The following FHOD3 variants were observed in gnomAD, a reference collection of about 807,000 sequenced individuals.
FHOD3 encodes the protein formin homology 2 domain containing 3.
A neutral mutation model predicts 173.0 loss-of-function variants in FHOD3; 90 were observed. The observed-to-expected ratio is 0.52, with a 90% CI of 0.44 to 0.62. FHOD3 has a LOEUF of 0.62. Among genes scored for constraint, FHOD3 ranks in the 20% least tolerant of loss-of-function variants. FHOD3 has a pLI of 0.00. For missense variants in FHOD3, 1,945 were observed against 2,034.7 expected, an observed-to-expected ratio of 0.96 and a Z score of 0.85; for synonymous variants, 828 against 823.0, an observed-to-expected ratio of 1.01 and a Z score of -0.10.
chr18:36,356,224 TATC>T (rs1420195124), intron 2 of FHOD3, among the ~76,000 whole-genome samples: 1 of 152,272 alleles, frequency 6.6e-6, no homozygotes, highest in Admixed American at 6.5e-5. Context: ...TTTTATACGG[TATC>T]ATCTTTTAAA....
intron 5 of FHOD3, among the ~76,000 whole-genome samples, chr18:36,536,723 T>C (rs939899272): frequency 1.2e-4 from 19 of 152,062 alleles, no homozygotes; most frequent in Non-Finnish European, 2.4e-4. Flanking sequence ...CACACTCCTG[T>C]CTGCTTTTTT....
chr18:36,774,105 C>T (rs976206623), intron 28 of FHOD3, among the ~76,000 whole-genome samples: 5 of 152,166 alleles, frequency 3.3e-5, no homozygotes, highest in Admixed American at 6.5e-5. Flanking sequence ...TTTTTCCTTT[C>T]GGGCCAAACT....
intron 10 of FHOD3, among the ~76,000 whole-genome samples, chr18:36,626,121 A>T (rs1015794945): frequency 4.6e-5 from 7 of 152,230 alleles, no homozygotes; most frequent in African/African-American, 1.4e-4. Flanking sequence ...TGGGGTTGGA[A>T]GAGTCTCGCG....
At chr18:36,551,815 G>A (rs892476017) in intron 5 of FHOD3, among the ~76,000 whole-genome samples, 22 of 152,230 alleles carry the variant, frequency 1.4e-4, no homozygotes, top group Middle Eastern at 6.8e-3. Context: ...GTAGATTTGT[G>A]GTATTATTTC....
intron 17 of FHOD3, among the ~76,000 whole-genome samples, chr18:36,698,601 G>A (rs1288974765): frequency 6.6e-6 from 1 of 152,148 alleles, no homozygotes; most frequent in East Asian, 1.9e-4. Flanking sequence ...AAAAAAAAGA[G>A]AAGGGGAGGT....
chr18:36,672,716 G>C (rs893065105), intron 14 of FHOD3, among the ~76,000 whole-genome samples: 17 of 152,308 alleles, frequency 1.1e-4, no homozygotes, highest in African/African-American at 4.1e-4. Context: ...GCAATATTCT[G>C]TGTCTATTTT....
chr18:36,748,376 AC>A (rs2042246416), intron 24 of FHOD3, among the ~76,000 whole-genome samples: 1 of 123,892 alleles, frequency 8.1e-6, no homozygotes, highest in African/African-American at 3.7e-5. Context: ...ACACACACAC[AC>A]ACACAACACA....
intron 3 of FHOD3, among the ~76,000 whole-genome samples, chr18:36,384,897 T>TACCACCACCACC (rs60582813): frequency 1.1e-3 from 159 of 151,088 alleles, no homozygotes; most frequent in Middle Eastern, 3.5e-3. Context: ...TGGTGGAAGA[T>TACCACCACCACC]ACCACCACCA....
At position 36,718,202 on chromosome 18, in the gene FHOD3, G is replaced by A. The variant is rs149550373; in HGVS notation, c.2904G>A (p.Ala968=). Residue 968 remains alanine (A), a synonymous_variant, in exon 19 of 29, where the codon GCG becomes GCA. Transcript: ENST00000590592. ...AEPNDKVPET[A]PVQPKTESDY... is the part of the protein sequence containing the mutation. ...CCAATGACAAGGTCCCAGAAACAGCGCCGGTGCAGCCGAAGACAGAGTCTG... is the reference window on the plus strand; with the variant it reads ...CCAATGACAAGGTCCCAGAAACAGCACCGGTGCAGCCGAAGACAGAGTCTG... 2.9e-5 allele frequency: 47 copies of A among 1,613,900 alleles called. No individual in the cohort carries two copies. The highest frequency in any genetic ancestry group is 1.5e-4 in the Admixed American group (9 of 59,990).
At chr18:36,518,866 C>T (rs1168491983) in intron 5 of FHOD3, among the ~76,000 whole-genome samples, 1 of 152,142 alleles carries the variant, frequency 6.6e-6, no homozygotes, top group Admixed American at 6.5e-5. Context: ...TGGGTCTGAC[C>T]TCCATCTGGC....
At chr18:36,589,617 G>A (rs774160407) in intron 6 of FHOD3, among the ~76,000 whole-genome samples, 4 of 152,154 alleles carry the variant, frequency 2.6e-5, no homozygotes, top group Non-Finnish European at 4.4e-5. Flanking sequence ...TCTTGGATTC[G>A]CAGGGACCTT....
intron 5 of FHOD3, among the ~76,000 whole-genome samples, chr18:36,515,126 G>T (rs2055893662): frequency 6.6e-6 from 1 of 152,214 alleles, no homozygotes; most frequent in South Asian, 2.1e-4. Context: ...AATTGTACTT[G>T]CTGGCAATGG....
intron 16 of FHOD3, among the ~76,000 whole-genome samples, chr18:36,689,855 C>T (rs2038852321): frequency 6.6e-6 from 1 of 152,086 alleles, no homozygotes; most frequent in African/African-American, 2.4e-5. Context: ...TGAAAATGAT[C>T]AATGAAGCAG....
chr18:36,457,919 C>A (rs866037488), intron 3 of FHOD3, among the ~76,000 whole-genome samples: 4 of 152,230 alleles, frequency 2.6e-5, no homozygotes, highest in African/African-American at 9.6e-5. Flanking sequence ...ATGAATATTG[C>A]AACTATTTTT....
At chr18:36,566,796 A>G (rs967982348) in intron 5 of FHOD3, among the ~76,000 whole-genome samples, 3 of 152,146 alleles carry the variant, frequency 2.0e-5, no homozygotes, top group African/African-American at 7.2e-5. Flanking sequence ...GACTCACTGA[A>G]GGTGGAGGAT....
chr18:36,494,265 C>T (rs1483563283), intron 3 of FHOD3, among the ~76,000 whole-genome samples: 4 of 152,180 alleles, frequency 2.6e-5, no homozygotes, highest in African/African-American at 4.8e-5. Flanking sequence ...CCCCAGGGGT[C>T]TCCAATGCTT....
chr18:36,562,592 T>C (rs2058126072), intron 5 of FHOD3, among the ~76,000 whole-genome samples: 1 of 152,170 alleles, frequency 6.6e-6, no homozygotes, highest in South Asian at 2.1e-4. Flanking sequence ...CAGTGCCTCC[T>C]ACTTCGTACC....
intron 8 of FHOD3, 23 bp from the exon 9 acceptor site, chr18:36,611,929 A>T: frequency 2.5e-6 from 4 of 1,608,994 alleles, no homozygotes; most frequent in Non-Finnish European, 3.4e-6. Context: ...GTGTCTCTGT[A>T]GCTGGTTCTT....
chr18:36,450,677 C>A (rs1391127950), intron 3 of FHOD3, among the ~76,000 whole-genome samples: 1 of 151,486 alleles, frequency 6.6e-6, no homozygotes, highest in Admixed American at 6.6e-5. Flanking sequence ...CCTGTAGTCC[C>A]AGCTACTTGG....
Sources: allele counts gnomAD v4.1 joint callset (sites outside exome capture counted in the v4.1 genomes callset), GRCh38; gene constraint gnomAD v4.1.1; transcripts MANE v1.5; gene names NCBI Gene and HGNC (gene_info 2026-07-23, HGNC 2026-07-21).